The following PKNOX2 variants were observed in gnomAD, a reference collection of about 807,000 sequenced individuals.
The protein encoded by PKNOX2 is homeobox protein PKNOX2.
A neutral mutation model predicts 53.1 loss-of-function variants in PKNOX2; 14 were observed. The ratio of observed to expected loss-of-function variants is 0.26; its 90% CI spans 0.17 to 0.41. The LOEUF is 0.41. Among genes scored for constraint, PKNOX2 ranks in the 10% least tolerant of loss-of-function variants. The pLI, the probability that PKNOX2 is intolerant of heterozygous loss-of-function variation, is 1.00. For synonymous variants in PKNOX2, 257 were observed against 242.8 expected (o/e 1.06, Z -0.54); for missense variants, 496 against 602.8 (o/e 0.82, Z 1.85).
At chr11:125,263,661 C>G (rs1369776717) in intron 2 of PKNOX2, among the ~76,000 whole-genome samples, 1 of 152,250 alleles carries the variant, frequency 6.6e-6, no homozygotes, top group Non-Finnish European at 1.5e-5. Context: ...CCAGACTGGG[C>G]CCCACAGAAC....
chr11:125,389,710 C>CG (rs1466759491), intron 6 of PKNOX2, among the ~76,000 whole-genome samples: 1 of 152,334 alleles, frequency 6.6e-6, no homozygotes, highest in Admixed American at 6.5e-5. Flanking sequence ...TACGGGCCCC[C>CG]GGTGCAGGGC....
intron 3 of PKNOX2, among the ~76,000 whole-genome samples, chr11:125,342,781 C>T (rs980762751): frequency 2.8e-5 from 4 of 142,200 alleles, no homozygotes; most frequent in Admixed American, 6.9e-5. Flanking sequence ...GGGGGAGGGG[C>T]GGGCCGGGGC....
chr11:125,291,055 G>T (rs1049093351), intron 2 of PKNOX2, among the ~76,000 whole-genome samples: 7 of 152,188 alleles, frequency 4.6e-5, no homozygotes, highest in African/African-American at 1.7e-4. Flanking sequence ...CACAAAGGGG[G>T]TCTCTTCCCA....
intron 1 of PKNOX2, among the ~76,000 whole-genome samples, chr11:125,183,897 G>C (rs1471929333): frequency 6.6e-6 from 1 of 152,110 alleles, no homozygotes; most frequent in Non-Finnish European, 1.5e-5. Context: ...AACATGAATG[G>C]GCTATTACTC....
chr11:125,178,676 A>AGGAAGGAAAG (rs1398624429), intron 1 of PKNOX2, among the ~76,000 whole-genome samples: 1 of 98,808 alleles, frequency 1.0e-5, no homozygotes, highest in Non-Finnish European at 1.9e-5. Context: ...GAAGGAAAGA[A>AGGAAGGAAAG]AGAGAGAGAG....
chr11:125,420,834 A>G (rs1411543406), intron 10 of PKNOX2, among the ~76,000 whole-genome samples: 1 of 152,188 alleles, frequency 6.6e-6, no homozygotes, highest in African/African-American at 2.4e-5. Context: ...CATCGTGTCA[A>G]TAGGGCACAA....
chr11:125,274,655 G>C (rs777680086), intron 2 of PKNOX2, among the ~76,000 whole-genome samples: 3 of 152,254 alleles, frequency 2.0e-5, no homozygotes, highest in Non-Finnish European at 4.4e-5. Context: ...TGAGGCTGGG[G>C]GCTGGAGCAG....
At chr11:125,167,996 T>C (rs1224545682) in intron 1 of PKNOX2, among the ~76,000 whole-genome samples, 2 of 152,248 alleles carry the variant, frequency 1.3e-5, no homozygotes, top group East Asian at 3.8e-4. Context: ...CTTTAAATGT[T>C]GCTTGGTGCC....
At chr11:125,366,441 T>G (rs577776249) in intron 4 of PKNOX2, among the ~76,000 whole-genome samples, 21 of 152,332 alleles carry the variant, frequency 1.4e-4, no homozygotes, top group African/African-American at 4.8e-4. Flanking sequence ...CAACAAATAT[T>G]TATTGAACAC....
At chr11:125,337,004 T>C (rs1245461312) in intron 3 of PKNOX2, among the ~76,000 whole-genome samples, 1 of 150,860 alleles carries the variant, frequency 6.6e-6, no homozygotes, top group Non-Finnish European at 1.5e-5. Context: ...TATAATATAC[T>C]GTATATAGTA....
intron 5 of PKNOX2, among the ~76,000 whole-genome samples, chr11:125,376,671 C>CCACTCATT (rs1168623873): frequency 7.2e-5 from 11 of 152,190 alleles, no homozygotes; most frequent in African/African-American, 2.7e-4. Context: ...ATTGCTTACT[C>CCACTCATT]CACTCATTCA....
At chr11:125,364,942 G>A (rs183230428) in intron 4 of PKNOX2, among the ~76,000 whole-genome samples, 48 of 152,132 alleles carry the variant, frequency 3.2e-4, no homozygotes, top group African/African-American at 8.0e-4. Context: ...TCTGCTTGGC[G>A]TCTGCAATGG....
At chr11:125,277,286 A>G (rs1175154143) in intron 2 of PKNOX2, among the ~76,000 whole-genome samples, 2 of 152,212 alleles carry the variant, frequency 1.3e-5, no homozygotes, top group African/African-American at 4.8e-5. Context: ...GCTAGGAAGG[A>G]CAGCCAGCTA....
chr11:125,379,055 CTTTTTTTTT>C (rs35310311), intron 5 of PKNOX2, among the ~76,000 whole-genome samples: 1 of 124,442 alleles, frequency 8.0e-6, no homozygotes, highest in Non-Finnish European at 1.7e-5. Flanking sequence ...TTTTCTTTCT[CTTTTTTTTT>C]TTTTTTTATT....
At chr11:125,327,008 G>A (rs972789121) in intron 2 of PKNOX2, among the ~76,000 whole-genome samples, 2 of 152,196 alleles carry the variant, frequency 1.3e-5, no homozygotes, top group Admixed American at 6.5e-5. Flanking sequence ...AGAGGCCCTT[G>A]GTGGGCTCCA....
At chr11:125,268,369 T>G (rs903717591) in intron 2 of PKNOX2, among the ~76,000 whole-genome samples, 1 of 152,182 alleles carries the variant, frequency 6.6e-6, no homozygotes, top group Non-Finnish European at 1.5e-5. Context: ...ATGACCTGGG[T>G]GTTCTCCTGT....
chr11:125,279,050 G>A (rs772550719), intron 2 of PKNOX2, among the ~76,000 whole-genome samples: 1 of 152,216 alleles, frequency 6.6e-6, no homozygotes. Flanking sequence ...CCCCCAACAG[G>A]GGCATGTGTC....
chr11:125,302,879 G>A (rs542971335), intron 2 of PKNOX2, among the ~76,000 whole-genome samples: 2 of 152,336 alleles, frequency 1.3e-5, no homozygotes, highest in African/African-American at 2.4e-5. Context: ...CCTTGGAGGC[G>A]GCAGAACCAG....
intron 1 of PKNOX2, among the ~76,000 whole-genome samples, chr11:125,199,813 C>G (rs1345347911): frequency 6.6e-6 from 1 of 152,244 alleles, no homozygotes; most frequent in Admixed American, 6.5e-5. Context: ...CACCACTTCA[C>G]TCCAGCCTGA....
Sources: allele counts gnomAD v4.1 joint callset (sites outside exome capture counted in the v4.1 genomes callset), GRCh38; gene constraint gnomAD v4.1.1; transcripts MANE v1.5; gene names NCBI Gene and HGNC (gene_info 2026-07-23, HGNC 2026-07-21).